NMT1: variants seen among roughly 807,000 people sequenced by gnomAD.
NMT1 encodes glycylpeptide N-tetradecanoyltransferase 1.
NMT1 carries 12 observed loss-of-function variants against 63.4 expected under a neutral mutation model. That is an observed-to-expected ratio of 0.19 (90% CI 0.12 to 0.31). NMT1 has a LOEUF of 0.31. NMT1 is among the 10% of genes least tolerant of loss of function. The probability of loss-of-function intolerance (pLI) is 1.00; values close to 1 mark genes in which losing one functional copy is unlikely to be tolerated. For synonymous variants in NMT1, 228 were observed against 234.3 expected (o/e 0.97, Z 0.25); for missense variants, 432 against 634.6 (o/e 0.68, Z 3.43).
At chr17:45,075,551 G>C (rs1012601952) in intron 1 of NMT1, among the ~76,000 whole-genome samples, 1 of 151,762 alleles carries the variant, frequency 6.6e-6, no homozygotes, top group African/African-American at 2.4e-5. Flanking sequence ...GGAGGCCAAG[G>C]CTGGCAGATC....
intron 8 of NMT1, among the ~76,000 whole-genome samples, chr17:45,102,207 C>G (rs2054171033): frequency 6.6e-6 from 1 of 152,212 alleles, no homozygotes; most frequent in African/African-American, 2.4e-5. Flanking sequence ...CTGACTGAGG[C>G]CTGTAAACTG....
intron 2 of NMT1, among the ~76,000 whole-genome samples, chr17:45,084,613 G>A (rs954986122): frequency 1.1e-4 from 16 of 151,770 alleles, no homozygotes; most frequent in African/African-American, 3.6e-4. Context: ...GATTACAGGC[G>A]TGAGCCACCG....
At position 45,099,416 on chromosome 17, in the gene NMT1, G is replaced by T. The variant is rs1204184516; in HGVS notation, c.896G>T (p.Arg299Leu). Residue 299 changes from arginine (R) to leucine (L), a missense_variant, in exon 8 of 12, where the codon CGG becomes CTG. By Grantham distance (102) the Arg-to-Leu change is moderately radical (BLOSUM62 -2). Around this residue, in one of 4 missense-constraint regions of NMT1, gnomAD observed 295 missense variants for 489.7 expected, o/e 0.60. Transcript: ENST00000258960. ...KPVGTCRYWH[R>L]SLNPRKLIEV... ...TTGTGTCCCCACAGGTATTGGCATCGGTCCCTAAACCCACGGAAGCTGATT... is the reference window on the plus strand; with the variant it reads ...TTGTGTCCCCACAGGTATTGGCATCTGTCCCTAAACCCACGGAAGCTGATT... 1 of 1,611,840 alleles carries T rather than the reference G, an allele frequency of 6.2e-7. No homozygotes were observed. The highest frequency in any genetic ancestry group is 8.5e-7 in the Non-Finnish European group (1 of 1,177,998).
At position 45,100,770 on chromosome 17, in the gene NMT1, G is replaced by C. The variant is rs994578973; in HGVS notation, c.993+1257G>C. Reference sequence around the variant, plus strand: ...CCCAGCTACTTGGGAGGCTGAGGCAGGAGAATGGCATGAACCTGGGAGGCG... The same window carrying C: ...CCCAGCTACTTGGGAGGCTGAGGCACGAGAATGGCATGAACCTGGGAGGCG... On this transcript the variant is annotated intron_variant, in intron 8 of 11. Coordinates refer to ENST00000258960, the MANE Select transcript of NMT1 (RefSeq NM_021079.5). Among the ~76,000 whole-genome samples the C allele has an allele frequency of 9.7e-5, 14 of 144,730 alleles. No individual in the cohort carries two copies. In the Admixed American group the frequency reaches 1.0e-3, roughly 10 times the overall value. 94.9% of individuals were successfully genotyped at this position (144,730 alleles called of 152,430 possible). A position where few individuals can be genotyped will look rare whatever the true frequency, so the allele number is the denominator to read the frequency against.
At chr17:45,100,964 G>A (rs548382910) in intron 8 of NMT1, among the ~76,000 whole-genome samples, 15 of 147,010 alleles carry the variant, frequency 1.0e-4, no homozygotes, top group Non-Finnish European at 2.1e-4. Context: ...AGTGGATCAC[G>A]AGGTCAGGAG....
At chr17:45,102,270 C>T (rs2054171252) in intron 8 of NMT1, among the ~76,000 whole-genome samples, 1 of 152,236 alleles carries the variant, frequency 6.6e-6, no homozygotes, top group African/African-American at 2.4e-5. Context: ...GTATCTGAGC[C>T]TCTGGGGATG....
intron 1 of NMT1, among the ~76,000 whole-genome samples, chr17:45,080,562 A>G (rs1441128501): frequency 7.1e-5 from 9 of 126,078 alleles, no homozygotes; most frequent in Non-Finnish European, 1.5e-4. Flanking sequence ...TCTACCTCCC[A>G]GGTTCACACC....
intron 1 of NMT1, chr17:45,062,015 T>C (rs2053866089): frequency 6.6e-6 from 1 of 152,342 alleles, no homozygotes; most frequent in East Asian, 1.9e-4. Context: ...TTGATTTACA[T>C]AGTTTCCATT....
intron 3 of NMT1, among the ~76,000 whole-genome samples, chr17:45,093,459 A>G (rs1341942887): frequency 6.6e-6 from 1 of 152,232 alleles, no homozygotes; most frequent in Non-Finnish European, 1.5e-5. Context: ...CAAAACACGA[A>G]CCACCTTGGA....
In NMT1 at chr17:45,063,062, G is replaced by A. The variant is rs1279492861; in HGVS notation, c.131+1602G>A. Among the ~76,000 whole-genome samples the A allele has an allele frequency of 1.1e-4, 16 of 151,950 alleles. No individual in the cohort carries two copies. In the East Asian group the frequency reaches 2.7e-3, roughly 26 times the overall value. On this transcript the variant is annotated intron_variant, in intron 1 of 11. Transcript: ENST00000258960. ...TACTAAAAATACAAAAAATTTAGCC[G>A]GGCGTGGTGGCGGGCGCCTGTAGTC...
At chr17:45,090,886 G>C (rs1014225890) in intron 3 of NMT1, among the ~76,000 whole-genome samples, 5 of 152,004 alleles carry the variant, frequency 3.3e-5, no homozygotes, top group African/African-American at 1.2e-4. Flanking sequence ...CCCCTGCTCA[G>C]CAGGAGGTAC....
chr17:45,083,202 T>G (rs1010594892), intron 2 of NMT1, among the ~76,000 whole-genome samples: 2 of 144,798 alleles, frequency 1.4e-5, no homozygotes, highest in Non-Finnish European at 3.0e-5. Context: ...ACCTGTAATC[T>G]CAGCTACTCA....
intron 1 of NMT1, among the ~76,000 whole-genome samples, chr17:45,063,765 G>A (rs546455288): frequency 3.9e-4 from 60 of 152,188 alleles, no homozygotes; most frequent in Admixed American, 1.6e-3. Context: ...GCATGGTGGC[G>A]TACGCCTATA....
intron 1 of NMT1, among the ~76,000 whole-genome samples, chr17:45,063,074 G>A (rs1249818914): frequency 5.9e-5 from 9 of 151,672 alleles, no homozygotes; most frequent in East Asian, 1.9e-4. Flanking sequence ...GCGTGGTGGC[G>A]GGCGCCTGTA....
intron 1 of NMT1, among the ~76,000 whole-genome samples, chr17:45,081,206 C>G (rs746632242): frequency 6.6e-6 from 1 of 152,142 alleles, no homozygotes; most frequent in Non-Finnish European, 1.5e-5. Context: ...AAACCTAATA[C>G]ATTTGGGAGG....
At chr17:45,071,339 C>A (rs1031633424) in intron 1 of NMT1, 4 of 152,164 alleles carry the variant, frequency 2.6e-5, no homozygotes, top group African/African-American at 7.2e-5. Context: ...GGACTACAGG[C>A]TAATTTTTTT....
At chr17:45,064,867 T>C (rs1015882077) in intron 1 of NMT1, among the ~76,000 whole-genome samples, 2 of 152,138 alleles carry the variant, frequency 1.3e-5, no homozygotes, top group African/African-American at 4.8e-5. Flanking sequence ...AACAGTCCTG[T>C]GACCTTGGGA....
At chr17:45,066,142 C>T (rs2053901342) in intron 1 of NMT1, among the ~76,000 whole-genome samples, 1 of 152,130 alleles carries the variant, frequency 6.6e-6, no homozygotes, top group Admixed American at 6.6e-5. Context: ...CAACCTCTGC[C>T]TCCCGGGTTC....
chr17:45,102,825 T>C (rs886426055), intron 8 of NMT1, 126 bp from the exon 9 acceptor site: 1 of 766,282 alleles, frequency 1.3e-6, no homozygotes, highest in Admixed American at 2.7e-5. Context: ...TGAGGAGATA[T>C]GCACGGGGGT....
Sources: gnomAD v4.1 joint callset for allele counts (sites outside exome capture counted in the v4.1 genomes callset) on GRCh38, gnomAD v4.1.1 for gene constraint, gnomAD v4.1.1 regional missense constraint, MANE v1.5 for transcripts, NCBI Gene and HGNC (gene_info 2026-07-23, HGNC 2026-07-21) for gene names.